The following PRKCZ variants were observed in gnomAD, a reference collection of about 807,000 sequenced individuals.
PRKCZ encodes the protein protein kinase C zeta.
PRKCZ carries 33 observed loss-of-function variants against 79.5 expected under a neutral mutation model. The observed-to-expected ratio is 0.41, with a 90% CI of 0.31 to 0.55. PRKCZ has a LOEUF of 0.55. Ranked by LOEUF, PRKCZ falls within the 20% of genes least tolerant of loss-of-function variation. The probability of loss-of-function intolerance (pLI) is 0.19; values close to 1 mark genes in which losing one functional copy is unlikely to be tolerated. For synonymous variants in PRKCZ, 342 were observed against 320.9 expected, an observed-to-expected ratio of 1.07 and a Z score of -0.70; for missense variants, 578 against 813.5, an observed-to-expected ratio of 0.71 and a Z score of 3.52.
intron 4 of PRKCZ, among the ~76,000 whole-genome samples, chr1:2,095,892 CCCCTCCCCTCCT>C (rs1557547351): frequency 1.1e-5 from 1 of 91,840 alleles, no homozygotes; most frequent in African/African-American, 4.4e-5. Flanking sequence ...CCCCTCCTTT[CCCCTCCCCTCCT>C]CTCCCCTCCT....
At chr1:2,121,863 G>A (rs1364518214) in intron 4 of PRKCZ, among the ~76,000 whole-genome samples, 1 of 5,172 alleles carries the variant, frequency 1.9e-4, no homozygotes, top group Non-Finnish European at 3.6e-4. Context: ...GGTTAGGGTC[G>A]TGGTGGTTAG....
chr1:2,068,154 G>A (rs971392307), intron 4 of PRKCZ, among the ~76,000 whole-genome samples: 5 of 152,228 alleles, frequency 3.3e-5, no homozygotes, highest in African/African-American at 7.2e-5. Context: ...CAGCTCCTCC[G>A]GGGCAGACCC....
intron 4 of PRKCZ, among the ~76,000 whole-genome samples, chr1:2,084,743 G>T (rs369878565): frequency 1.9e-3 from 293 of 152,320 alleles, no homozygotes; most frequent in African/African-American, 6.8e-3. Context: ...AGTGGCTCAC[G>T]CCTGTCATCC....
At chr1:2,108,081 T>C (rs1185953620) in intron 4 of PRKCZ, among the ~76,000 whole-genome samples, 1 of 152,200 alleles carries the variant, frequency 6.6e-6, no homozygotes, top group East Asian at 1.9e-4. Context: ...ATGCCTGTTC[T>C]GGGGGTAGAG....
At chr1:2,140,388 C>T (rs1677074451) in intron 5 of PRKCZ, among the ~76,000 whole-genome samples, 1 of 152,196 alleles carries the variant, frequency 6.6e-6, no homozygotes, top group Admixed American at 6.5e-5. Context: ...CGCGGTGGCT[C>T]ACGCATGTAA....
chr1:2,088,922 AGCCT>A (rs1201009850), intron 4 of PRKCZ, among the ~76,000 whole-genome samples: 6 of 152,230 alleles, frequency 3.9e-5, no homozygotes, highest in African/African-American at 1.4e-4. Context: ...CTCCCTGGTG[AGCCT>A]GTCACTTTTG....
chr1:2,146,206 C>T (rs999261838), intron 7 of PRKCZ, 98 bp downstream of exon 7: 31 of 1,210,170 alleles, frequency 2.6e-5, no homozygotes, highest in Admixed American at 3.8e-5. Context: ...GTCCCATCTG[C>T]TCTGCAGGGG....
Position 2,174,768 on chromosome 1 carries a change from C to T in PRKCZ, c.1420C>T (p.Pro474Ser). 3.7e-6 allele frequency: 6 copies of T among 1,614,108 alleles called. No homozygotes were observed. Among genetic ancestry groups the T allele is most frequent in the Non-Finnish European group, 5.1e-6 (6 of 1,179,982 alleles). Residue 474 changes from proline (P) to serine (S), a missense_variant, in exon 15 of 18, where the codon CCC becomes TCC. This residue lies in a region of PRKCZ where 243 missense variants were observed against 467.0 expected (regional missense o/e 0.52). Coordinates refer to ENST00000378567, the MANE Select transcript of PRKCZ (RefSeq NM_002744.6). This position sits in a 1 kb window ranked among gnomAD's most constrained non-coding sequence, Gnocchi z 6.2. ...CGCCCTTGCAGTGATCCTGGAGAAG[C>T]CCATCCGGATCCCCCGGTTCCTGTC... ...DYLFQVILEK[P>S]IRIPRFLSVK...
chr1:2,142,534 G>C (rs1677591329), intron 5 of PRKCZ: 1 of 290,890 alleles, frequency 3.4e-6, no homozygotes, highest in Non-Finnish European at 6.7e-6. Context: ...CCGGCATTAA[G>C]CTAGATTGGC....
chr1:2,109,835 G>A (rs181531734), intron 4 of PRKCZ, among the ~76,000 whole-genome samples: 9 of 152,258 alleles, frequency 5.9e-5, no homozygotes, highest in East Asian at 3.9e-4. Context: ...GGGAGCCGCC[G>A]GGGAAAGCCG....
chr1:2,061,375 G>A (rs974293531), intron 4 of PRKCZ, among the ~76,000 whole-genome samples: 13 of 151,586 alleles, frequency 8.6e-5, no homozygotes, highest in South Asian at 2.1e-4. Context: ...AGGGAGGCCC[G>A]CATTTGCTCG....
chr1:2,170,794 T>G (rs1435507544), intron 11 of PRKCZ, among the ~76,000 whole-genome samples: 1 of 152,244 alleles, frequency 6.6e-6, no homozygotes, highest in Non-Finnish European at 1.5e-5. Context: ...GTCCTCAAGA[T>G]TCATCCGTGC....
chr1:2,115,967 T>A (rs904715690), intron 4 of PRKCZ, among the ~76,000 whole-genome samples: 1 of 152,180 alleles, frequency 6.6e-6, no homozygotes, highest in Non-Finnish European at 1.5e-5. Context: ...TCCTGTCTCC[T>A]CTCTGGACCG....
At chr1:2,170,001 C>T (rs1429418563) in intron 11 of PRKCZ, among the ~76,000 whole-genome samples, 1 of 152,014 alleles carries the variant, frequency 6.6e-6, no homozygotes, top group Non-Finnish European at 1.5e-5. Context: ...TCAGACCAGT[C>T]CCCCAGGCCC....
rs1199676613 is a variant in PRKCZ, at chr1:2,081,645, G to A, written c.334+22054G>A. 2.6e-5 allele frequency among the ~76,000 whole-genome samples: 4 copies of A among 152,172 alleles called. No homozygotes were observed. In the South Asian group the frequency reaches 6.2e-4, roughly 24 times the overall value. On this transcript the variant is annotated intron_variant, in intron 4 of 17. Coordinates refer to ENST00000378567, the MANE Select transcript of PRKCZ (RefSeq NM_002744.6). ...CCACACTGTGCCCGGACTTGGTGGC[G>A]TGGTGATGTCGGGGCTGCGGTTGGG...
At chr1:2,113,600 G>A (rs1381402706) in intron 4 of PRKCZ, among the ~76,000 whole-genome samples, 1 of 152,186 alleles carries the variant, frequency 6.6e-6, no homozygotes, top group African/African-American at 2.4e-5. Flanking sequence ...ATCCTGGAAG[G>A]GGGTGCAGCC....
chr1:2,163,537 T>G (rs1027533247), intron 10 of PRKCZ, among the ~76,000 whole-genome samples: 1 of 152,220 alleles, frequency 6.6e-6, no homozygotes, highest in Admixed American at 6.5e-5. Context: ...GATAACTGCA[T>G]GCAGAGGTGT....
rs1677545639 is a variant in PRKCZ, at chr1:2,142,379, CCTCCTTTCAATCCAGGGTCCAGGCA to C, written c.421-1830_421-1806del. ...TCCACACATCCAGCAGCCGAAGCGC[CCTCCTTTCAATCCAGGGTCCAGGCA>C]TCTAGCAGCCGAAGCGCCTCCTTTC... On this transcript the variant is annotated intron_variant, in intron 5 of 17. Transcript: ENST00000378567. 2 of 27,702 alleles carry C rather than the reference CCTCCTTTCAATCCAGGGTCCAGGCA, an allele frequency of 7.2e-5. 1 individual carries two copies. The highest frequency in any genetic ancestry group is 1.3e-3 in the African/African-American group (2 of 1,570). The allele number at this position is 27,702 out of a possible 1,614,324, so 1.7% of individuals were successfully genotyped here. A position where few individuals can be genotyped will look rare whatever the true frequency, so the allele number is the denominator to read the frequency against.
rs939711531 is a variant in PRKCZ at position 2,094,866 on chromosome 1, C to T, written c.334+35275C>T. On this transcript the variant is annotated intron_variant, in intron 4 of 17. Transcript: ENST00000378567. This position sits in a 1 kb window ranked among gnomAD's most constrained non-coding sequence, Gnocchi z 7.3. ...CATTTCTGGAGCTGCAGAGTCACTT[C>T]TCTTAGAGCCTGGTTTTGGCCCTCT... is the stretch of plus-strand genomic sequence containing the variant. Among the ~76,000 whole-genome samples, 6 of 152,198 alleles carry T rather than the reference C, an allele frequency of 3.9e-5. No homozygotes were observed. Among genetic ancestry groups the T allele is most frequent in the South Asian group, 2.1e-4 (1 of 4,830 alleles).
Sources: gnomAD v4.1 joint callset for allele counts (sites outside exome capture counted in the v4.1 genomes callset) on GRCh38, gnomAD v4.1.1 for gene constraint, gnomAD v4.1.1 regional missense constraint, Gnocchi (gnomAD v3.1) non-coding constraint, MANE v1.5 for transcripts, NCBI Gene and HGNC (gene_info 2026-07-23, HGNC 2026-07-21) for gene names.